The following CDH18 variants were observed in gnomAD, a reference collection of about 807,000 sequenced individuals.
CDH18 encodes cadherin-18.
CDH18 carries 31 observed loss-of-function variants against 67.9 expected under a neutral mutation model. That is an observed-to-expected ratio of 0.46 (90% CI 0.34 to 0.62). The LOEUF is 0.62. Among genes scored for constraint, CDH18 ranks in the 20% least tolerant of loss-of-function variants. The pLI, the probability that CDH18 is intolerant of heterozygous loss-of-function variation, is 0.01. For synonymous variants in CDH18, 362 were observed against 347.2 expected (o/e 1.04, Z -0.48); for missense variants, 890 against 975.5 (o/e 0.91, Z 1.17).
In CDH18 at chr5:20,385,623, A is replaced by C. The variant is rs867387728; in HGVS notation, c.-579-130118T>G. 3.7e-4 allele frequency among the ~76,000 whole-genome samples: 56 copies of C among 152,154 alleles called. 1 individual carries two copies. The highest frequency in any genetic ancestry group is 3.2e-3 in the Admixed American group (49 of 15,278). ...TTTGTAAACTTTTGACTTACACACA[A>C]TCACCTCATCAAACTAGTGATGTAT... On this transcript the variant is annotated intron_variant, in intron 1 of 14. Transcript: ENST00000507958.
chr5:20,519,723 ATT>A (rs34121579), intron 1 of CDH18, among the ~76,000 whole-genome samples: 2 of 149,846 alleles, frequency 1.3e-5, no homozygotes, highest in Non-Finnish European at 3.0e-5. Context: ...TCCAAGTGTA[ATT>A]TTTTTTTTTA....
At chr5:19,933,930 G>T (rs115683412) in intron 2 of CDH18, among the ~76,000 whole-genome samples, 10 of 151,356 alleles carry the variant, frequency 6.6e-5, no homozygotes, top group Admixed American at 1.3e-4. Context: ...CTCTAGTTTG[G>T]ATCTATCCCT....
At chr5:20,060,594 T>C (rs1427725834) in intron 2 of CDH18, among the ~76,000 whole-genome samples, 3 of 152,218 alleles carry the variant, frequency 2.0e-5, no homozygotes, top group Non-Finnish European at 2.9e-5. Context: ...AAAAATATTA[T>C]GAATATGCAT....
Position 19,543,952 on chromosome 5 carries a change from T to C in CDH18, c.1307A>G (p.Asn436Ser), listed in dbSNP as rs747299640. 28 of 1,596,466 alleles carry C rather than the reference T, an allele frequency of 1.8e-5. No homozygotes were observed. The South Asian group carries it at 2.8e-4, about 16-fold the overall frequency. Residue 436 changes from asparagine (N) to serine (S), a missense_variant, in exon 9 of 13, where the codon AAT (asparagine) becomes AGT (serine). Asn to Ser is a conservative substitution (Grantham distance 46, BLOSUM62 1). This residue lies in a region of CDH18 where 656 missense variants were observed against 668.1 expected (regional missense o/e 0.98). Transcript: ENST00000382275. The part of the protein sequence containing the change: ...EDDRFFNIDA[N>S]TGTIRTTKVL... ...CTTTGTAGTCCTAATGGTCCCAGTA[T>C]TGGCATCAATGTTGAAAAATCTGTC...
At chr5:20,209,651 G>A (rs961835233) in intron 2 of CDH18, among the ~76,000 whole-genome samples, 1 of 151,914 alleles carries the variant, frequency 6.6e-6, no homozygotes, top group African/African-American at 2.4e-5. Context: ...TATATAATTA[G>A]ATAAAAGAAA....
At position 19,632,933 on chromosome 5, in the gene CDH18, C is replaced by A. The variant is rs141037822; in HGVS notation, c.644-20332G>T. Among the ~76,000 whole-genome samples the A allele has an allele frequency of 2.6e-3, 390 of 152,224 alleles. 4 individuals are homozygous for A. Among genetic ancestry groups the A allele is most frequent in the African/African-American group, 8.8e-3 (367 of 41,540 alleles). On this transcript the variant is annotated intron_variant, in intron 5 of 12. Coordinates refer to ENST00000382275, the MANE Select transcript of CDH18 (RefSeq NM_004934.5). The stretch of plus-strand genomic sequence containing the variant: ...CCAACTAGCTGCTGTTTTGCATCAG[C>A]TGGCTGCAAAGATCGTTTTCAGACT...
chr5:19,782,165 C>T (rs1389601455), intron 3 of CDH18, among the ~76,000 whole-genome samples: 1 of 152,038 alleles, frequency 6.6e-6, no homozygotes, highest in African/African-American at 2.4e-5. Context: ...ACTCATAGTT[C>T]CACATGTCTG....
At chr5:19,626,787 T>C (rs752869127) in intron 5 of CDH18, among the ~76,000 whole-genome samples, 2 of 152,140 alleles carry the variant, frequency 1.3e-5, no homozygotes, top group African/African-American at 2.4e-5. Flanking sequence ...AACATTTAGT[T>C]TGGGCTTATG....
At chr5:20,086,831 G>A (rs1417028830) in intron 2 of CDH18, among the ~76,000 whole-genome samples, 1 of 152,138 alleles carries the variant, frequency 6.6e-6, no homozygotes, top group African/African-American at 2.4e-5. Context: ...TAATGGAGAT[G>A]TGTAAGAAGA....
chr5:19,853,953 A>G (rs755563196), intron 2 of CDH18, among the ~76,000 whole-genome samples: 6 of 152,140 alleles, frequency 3.9e-5, no homozygotes, highest in Non-Finnish European at 5.9e-5. Context: ...ACCACTTCAT[A>G]AAAACGGAAA....
intron 2 of CDH18, among the ~76,000 whole-genome samples, chr5:20,254,823 T>C (rs1744108646): frequency 1.3e-5 from 2 of 152,202 alleles, no homozygotes; most frequent in South Asian, 2.1e-4. Context: ...TGTATGTTCA[T>C]TGCAACACTA....
chr5:20,336,724 C>A (rs1453026982), intron 1 of CDH18, among the ~76,000 whole-genome samples: 9 of 63,478 alleles, frequency 1.4e-4, no homozygotes, highest in South Asian at 7.7e-4. Flanking sequence ...GCCTCTGTCT[C>A]AAAAAAAAAA....
rs555497572 is a variant in CDH18 at position 20,136,998 on chromosome 5, G to A, written c.-518+118446C>T. Among the ~76,000 whole-genome samples the A allele has an allele frequency of 2.0e-4, 31 of 152,114 alleles. No individual in the cohort carries two copies. The East Asian group carries it at 4.8e-3, about 24-fold the overall frequency. On this transcript the variant is annotated intron_variant, in intron 2 of 14. Transcript: ENST00000507958. ...GACTTCCCTTTGTGGGTAACCCAAC[G>A]TTTCTCTCTGGTTGACCTCTTTCCT...
chr5:20,550,775 AT>A (rs1002230353), intron 1 of CDH18, among the ~76,000 whole-genome samples: 22 of 152,292 alleles, frequency 1.4e-4, no homozygotes, highest in Admixed American at 5.2e-4. Flanking sequence ...TGGGTAATTT[AT>A]TTAAAAAAGA....
At chr5:19,956,721 T>G (rs1698473529) in intron 2 of CDH18, among the ~76,000 whole-genome samples, 1 of 151,914 alleles carries the variant, frequency 6.6e-6, no homozygotes, top group African/African-American at 2.4e-5. Flanking sequence ...AGTATATATT[T>G]TACTTCTTAA....
rs143037017 is a variant in CDH18 at position 20,002,898 on chromosome 5, G to A, written c.-517-10884C>T. 9.2e-5 allele frequency among the ~76,000 whole-genome samples: 14 copies of A among 151,354 alleles called. No individual in the cohort carries two copies. In the East Asian group the frequency reaches 1.2e-3, roughly 13 times the overall value. The stretch of plus-strand genomic sequence containing the variant: ...TAAAGAGGATTGGTTTGCCGATCAC[G>A]GAATCTGTAGAGCCAACAATGTGTA... On this transcript the variant is annotated intron_variant, in intron 2 of 14. Transcript: ENST00000507958.
chr5:20,187,999 C>T (rs1472141405), intron 2 of CDH18, among the ~76,000 whole-genome samples: 1 of 151,782 alleles, frequency 6.6e-6, no homozygotes, highest in Non-Finnish European at 1.5e-5. Context: ...GATTAATCTT[C>T]TGTGAACCAA....
chr5:19,907,161 A>G (rs1265248611), intron 2 of CDH18, among the ~76,000 whole-genome samples: 1 of 152,004 alleles, frequency 6.6e-6, no homozygotes, highest in Non-Finnish European at 1.5e-5. Context: ...GTAATGCAAG[A>G]CATTGCCATA....
intron 3 of CDH18, among the ~76,000 whole-genome samples, chr5:19,784,350 T>C (rs138862755): frequency 0.013 from 1,906 of 152,252 alleles, 29 homozygotes; most frequent in South Asian, 0.036. Flanking sequence ...GCAAAGTAGC[T>C]CTTTCTGCAA....
Sources: gnomAD v4.1 joint callset for allele counts (sites outside exome capture counted in the v4.1 genomes callset) on GRCh38, gnomAD v4.1.1 for gene constraint, gnomAD v4.1.1 regional missense constraint, MANE v1.5 for transcripts, NCBI Gene and HGNC (gene_info 2026-07-23, HGNC 2026-07-21) for gene names.